PEAK1: variants seen among roughly 807,000 people sequenced by gnomAD.
PEAK1 encodes the protein inactive tyrosine-protein kinase PEAK1.
PEAK1 carries 54 observed loss-of-function variants against 124.7 expected under a neutral mutation model. The observed-to-expected ratio is 0.43, with a 90% CI of 0.35 to 0.54. PEAK1 has a LOEUF of 0.54. Ranked by LOEUF, PEAK1 falls within the 20% of genes least tolerant of loss-of-function variation. The pLI, the probability that PEAK1 is intolerant of heterozygous loss-of-function variation, is 0.01. For missense variants in PEAK1, 2,046 were observed against 2,134.5 expected, an observed-to-expected ratio of 0.96 and a Z score of 0.82; for synonymous variants, 719 against 760.0, an observed-to-expected ratio of 0.95 and a Z score of 0.89.
chr15:77,228,561 T>C (rs919598657), intron 6 of PEAK1, among the ~76,000 whole-genome samples: 2 of 152,128 alleles, frequency 1.3e-5, no homozygotes, highest in African/African-American at 4.8e-5. Flanking sequence ...GATTAAAATA[T>C]CACACCTTTG....
chr15:77,232,246 T>C (rs1056511907), intron 6 of PEAK1, among the ~76,000 whole-genome samples: 1 of 152,122 alleles, frequency 6.6e-6, no homozygotes, highest in Non-Finnish European at 1.5e-5. Flanking sequence ...CTGTCTTTAC[T>C]AGTAAAATGC....
intron 2 of PEAK1, among the ~76,000 whole-genome samples, chr15:77,288,921 C>G (rs1185320041): frequency 7.4e-6 from 1 of 135,718 alleles, no homozygotes; most frequent in African/African-American, 2.7e-5. Context: ...AAGCAAGACT[C>G]CGTCTCAAAA....
At chr15:77,126,801 T>C (rs2052412709) in intron 9 of PEAK1, among the ~76,000 whole-genome samples, 1 of 152,210 alleles carries the variant, frequency 6.6e-6, no homozygotes, top group African/African-American at 2.4e-5. Flanking sequence ...TGTGATGCCT[T>C]TTCATTTAAG....
At chr15:77,240,175 C>G (rs2060291881) in intron 6 of PEAK1, among the ~76,000 whole-genome samples, 1 of 152,196 alleles carries the variant, frequency 6.6e-6, no homozygotes, top group African/African-American at 2.4e-5. Context: ...CTGTGTCATT[C>G]AGAAACATTC....
At chr15:77,401,280 T>C (rs993803460) in intron 1 of PEAK1, among the ~76,000 whole-genome samples, 3 of 152,182 alleles carry the variant, frequency 2.0e-5, no homozygotes, top group African/African-American at 7.2e-5. Flanking sequence ...TCCAAAATAA[T>C]CACCATATAA....
chr15:77,415,212 T>G (rs185835001), intron 1 of PEAK1, among the ~76,000 whole-genome samples: 57 of 152,322 alleles, frequency 3.7e-4, no homozygotes, highest in Admixed American at 3.7e-3. Flanking sequence ...CAATGCTAAC[T>G]AACAATCCTT....
At chr15:77,173,567 T>C (rs566332451) in intron 7 of PEAK1, among the ~76,000 whole-genome samples, 1 of 152,316 alleles carries the variant, frequency 6.6e-6, no homozygotes, top group Non-Finnish European at 1.5e-5. Context: ...ACTCTTCCTG[T>C]CTAACTGGAA....
intron 2 of PEAK1, among the ~76,000 whole-genome samples, chr15:77,321,232 C>A (rs914354665): frequency 1.3e-5 from 2 of 152,218 alleles, no homozygotes; most frequent in African/African-American, 4.8e-5. Context: ...GAGGCATCGC[C>A]ATACTGACTT....
chr15:77,158,672 C>A lies in PEAK1; in HGVS notation c.3162G>T (p.Glu1054Asp), dbSNP rs776907288. The A allele has an allele frequency of 6.2e-7, 1 of 1,614,074 alleles. No homozygotes were observed. Among genetic ancestry groups the A allele is most frequent in the Non-Finnish European group, 8.5e-7 (1 of 1,179,938 alleles). ...TTCTTGGATCCCGAGGAGAAAAATCCTCTGTTACTTCATGGGTCATGTGAC... is the reference window on the plus strand; with the variant it reads ...TTCTTGGATCCCGAGGAGAAAAATCATCTGTTACTTCATGGGTCATGTGAC... Reference protein sequence around the residue: ...ILSHMTHEVTEDFSPRDPRTV... With the variant: ...ILSHMTHEVTDDFSPRDPRTV... The change falls in exon 8 of 10, where the codon GAG becomes GAT. Residue 1054 changes from glutamate (E) to aspartate (D), a missense_variant. Physicochemically the swap from Glu to Asp is conservative, Grantham distance 45. Transcript: ENST00000682557.
chr15:77,393,590 C>A (rs1391934532), intron 1 of PEAK1, among the ~76,000 whole-genome samples: 1 of 152,180 alleles, frequency 6.6e-6, no homozygotes, highest in East Asian at 1.9e-4. Context: ...CATCTGCTGA[C>A]TAAAGGACTC....
At chr15:77,345,329 G>A (rs1450305574) in intron 2 of PEAK1, among the ~76,000 whole-genome samples, 2 of 152,118 alleles carry the variant, frequency 1.3e-5, no homozygotes, top group African/African-American at 4.8e-5. Flanking sequence ...CAACTGGATA[G>A]CTTTGTAAGG....
intron 6 of PEAK1, among the ~76,000 whole-genome samples, chr15:77,210,529 C>A (rs1242567106): frequency 6.6e-6 from 1 of 152,000 alleles, no homozygotes; most frequent in Non-Finnish European, 1.5e-5. Flanking sequence ...TTTTGATGAC[C>A]AAAGATAAAA....
chr15:77,261,236 C>G (rs536716502), intron 5 of PEAK1, among the ~76,000 whole-genome samples: 43 of 152,326 alleles, frequency 2.8e-4, no homozygotes, highest in African/African-American at 9.4e-4. Context: ...CAAAGGAATG[C>G]AGCTCCTCAC....
intron 8 of PEAK1, among the ~76,000 whole-genome samples, chr15:77,141,374 T>C (rs1022233594): frequency 1.3e-5 from 2 of 152,090 alleles, no homozygotes; most frequent in African/African-American, 4.8e-5. Flanking sequence ...CTATAAAACA[T>C]CGCTGAAAGA....
chr15:77,235,767 A>G (rs1596777967), intron 6 of PEAK1, among the ~76,000 whole-genome samples: 1 of 152,130 alleles, frequency 6.6e-6, no homozygotes, highest in South Asian at 2.1e-4. Flanking sequence ...CCTAGGAGGG[A>G]AAAATGGTTT....
chr15:77,324,271 A>T (rs1455856397), intron 2 of PEAK1, among the ~76,000 whole-genome samples: 1 of 152,180 alleles, frequency 6.6e-6, no homozygotes, highest in Non-Finnish European at 1.5e-5. Flanking sequence ...TGAGGCCAGG[A>T]GTTCCGAGAC....
chr15:77,115,196 G>A lies in PEAK1; in HGVS notation c.4201C>T (p.Arg1401Cys), dbSNP rs919042443. The A allele has an allele frequency of 6.8e-6, 11 of 1,614,144 alleles. No individual in the cohort carries two copies. In the East Asian group the frequency reaches 8.9e-5, roughly 13 times the overall value. ...CGHFLAEVPNRLLPWEDPDDP... is the reference protein window; with the variant it reads ...CGHFLAEVPNCLLPWEDPDDP... ...TCTGGATCCTCCCAGGGAAGCAGACGGTTAGGGACTTCAGCAAGGAAATGA... is the reference window on the plus strand; with the variant it reads ...TCTGGATCCTCCCAGGGAAGCAGACAGTTAGGGACTTCAGCAAGGAAATGA... The change falls in exon 10 of 10, where the codon CGT (arginine) becomes TGT (cysteine). Residue 1401 changes from arginine to cysteine, a missense_variant. Arg to Cys is a radical substitution (Grantham distance 180). Transcript: ENST00000682557.
At chr15:77,360,193 T>C (rs1176090801) in intron 2 of PEAK1, among the ~76,000 whole-genome samples, 1 of 152,140 alleles carries the variant, frequency 6.6e-6, no homozygotes, top group Non-Finnish European at 1.5e-5. Flanking sequence ...TACATACAAA[T>C]GAATGAAGTT....
At chr15:77,320,441 C>G (rs2065129935) in intron 2 of PEAK1, among the ~76,000 whole-genome samples, 1 of 152,126 alleles carries the variant, frequency 6.6e-6, no homozygotes, top group South Asian at 2.1e-4. Context: ...TAATGACTAC[C>G]AAACTCTCTA....
Sources: gnomAD v4.1 joint callset for allele counts (sites outside exome capture counted in the v4.1 genomes callset) on GRCh38, gnomAD v4.1.1 for gene constraint, MANE v1.5 for transcripts, NCBI Gene and HGNC (gene_info 2026-07-23, HGNC 2026-07-21) for gene names.